The following MYO15A variants were observed in gnomAD, a reference collection of about 807,000 sequenced individuals.
MYO15A encodes the protein unconventional myosin-XV.
A neutral mutation model predicts 394.6 loss-of-function variants in MYO15A; 308 were observed. That is an observed-to-expected ratio of 0.78 (90% CI 0.71 to 0.86). The LOEUF is 0.86. MYO15A is among the 40% of genes least tolerant of loss of function. The pLI, the probability that MYO15A is intolerant of heterozygous loss-of-function variation, is 0.00. For missense variants in MYO15A, 4,606 were observed against 4,799.1 expected (o/e 0.96, Z 1.19); for synonymous variants, 1,957 against 2,003.8 (o/e 0.98, Z 0.62).
Position 18,144,544 on chromosome 17 carries a change from G to A in MYO15A, c.6225G>A (p.Thr2075=), listed in dbSNP as rs779305629. ...MLTVPLRTPL[T]QLPAEHHAEA... is the part of the protein sequence containing the mutation. ...CAGTGCCCCTGAGGACACCCCTCAC[G>A]CAGCTGCCAGCCGAGCACCATGCAG... The change falls in exon 29 of 66, where the codon ACG becomes ACA. Residue 2075 remains threonine (T), a synonymous_variant. Coordinates refer to ENST00000647165, the MANE Select transcript of MYO15A (RefSeq NM_016239.4). 16 of 1,613,044 alleles carry A rather than the reference G, an allele frequency of 9.9e-6. No individual in the cohort carries two copies. Among genetic ancestry groups the A allele is most frequent in the South Asian group, 7.7e-5 (7 of 91,082 alleles).
Position 18,166,488 on chromosome 17 carries a change from G to A in MYO15A, c.9915G>A (p.Glu3305=). The change falls in exon 61 of 66, where the codon GAG becomes GAA. Residue 3305 remains glutamate (E), a synonymous_variant. Transcript: ENST00000647165. ...RVLWDQPLKF[E]NELYVTMHYN... Reference sequence around the variant, plus strand: ...TCTGGGATCAGCCACTCAAGTTCGAGAATGAGCTATATGTGACCATGCACT... The same window carrying A: ...TCTGGGATCAGCCACTCAAGTTCGAAAATGAGCTATATGTGACCATGCACT... 6.2e-7 allele frequency: 1 copy of A among 1,613,902 alleles called. No homozygotes were observed. Among genetic ancestry groups the A allele is most frequent in the African/African-American group, 1.3e-5 (1 of 75,066 alleles).
intron 52 of MYO15A, 127 bp downstream of exon 52, chr17:18,158,765 G>A (rs1013092088): frequency 1.0e-4 from 141 of 1,394,814 alleles, no homozygotes; most frequent in Middle Eastern, 1.8e-4. Context: ...CCACCCAGGT[G>A]TGAGGCTCAT....
chr17:18,171,977 C>T (rs1324258586), intron 63 of MYO15A, among the ~76,000 whole-genome samples, 180 bp from the exon 64 acceptor site: 13 of 152,190 alleles, frequency 8.5e-5, no homozygotes, highest in Admixed American at 8.5e-4. Flanking sequence ...GGAAGAAGAG[C>T]TGCAAGCAGG....
chr17:18,163,397 G>GCTTACTCCACCCCCA, intron 59 of MYO15A, 76 bp downstream of exon 59: 3 of 1,455,570 alleles, frequency 2.1e-6, no homozygotes, highest in Non-Finnish European at 2.9e-6. Context: ...CAGGATGGGG[G>GCTTACTCCACCCCCA]TGGAGTAAGC....
At chr17:18,149,706 T>G in intron 35 of MYO15A, 126 bp downstream of exon 35, 1 of 960,978 alleles carries the variant, frequency 1.0e-6, no homozygotes, top group South Asian at 1.4e-5. Context: ...GTGTCCCATC[T>G]GGATGTCTGC....
At chr17:18,167,493 G>A in intron 61 of MYO15A, 97 bp from the exon 62 acceptor site, 1 of 1,573,596 alleles carries the variant, frequency 6.4e-7, no homozygotes, top group Non-Finnish European at 8.6e-7. Flanking sequence ...AGAGGATGGG[G>A]CTGCAATCAT....
At position 18,140,878 on chromosome 17, in the gene MYO15A, A is replaced by G. The variant is rs530666908; in HGVS notation, c.5406+46A>G. The G allele has an allele frequency of 1.6e-5, 26 of 1,613,634 alleles. No homozygotes were observed. In the South Asian group the frequency reaches 2.5e-4, roughly 16 times the overall value. On this transcript the variant is annotated intron_variant, in intron 21 of 65. Transcript: ENST00000647165. Reference sequence around the variant, plus strand: ...CTGAGAGAGCCAAATCCTCCTGCCCATGCTGTGTGACCTTGGGCAAGTGGC... The same window carrying G: ...CTGAGAGAGCCAAATCCTCCTGCCCGTGCTGTGTGACCTTGGGCAAGTGGC...
chr17:18,158,751 G>C, intron 52 of MYO15A, 113 bp downstream of exon 52: 1 of 1,426,162 alleles, frequency 7.0e-7, no homozygotes, highest in Non-Finnish European at 9.9e-7. Flanking sequence ...GGAGAGATGA[G>C]AGACCACCCA....
chr17:18,130,676 A>C, intron 7 of MYO15A, 129 bp from the exon 8 acceptor site: 1 of 1,520,588 alleles, frequency 6.6e-7, no homozygotes, highest in South Asian at 1.2e-5. Flanking sequence ...TCTGAGCCTC[A>C]CAGGTTTTTA....
intron 60 of MYO15A, 149 bp downstream of exon 60, chr17:18,163,987 T>C (rs1416811675): frequency 1.3e-6 from 1 of 778,008 alleles, no homozygotes; most frequent in Non-Finnish European, 2.2e-6. Context: ...GATCTCTGTG[T>C]GTACCAAGCA....
At position 18,157,084 on chromosome 17, in the gene MYO15A, G is replaced by C; in HGVS notation, c.8713+19G>C. 2 of 1,613,650 alleles carry C rather than the reference G, an allele frequency of 1.2e-6. No individual in the cohort carries two copies. The highest frequency in any genetic ancestry group is 1.7e-6 in the Non-Finnish European group (2 of 1,179,874). On this transcript the variant is annotated intron_variant, in intron 49 of 65. Coordinates refer to ENST00000647165, the MANE Select transcript of MYO15A (RefSeq NM_016239.4). ...CGAGTGGGTCAGTGCCACTGGGGTGGGCTGGGGGCAGGAGGGGGAGGCTGG... is the reference window on the plus strand; with the variant it reads ...CGAGTGGGTCAGTGCCACTGGGGTGCGCTGGGGGCAGGAGGGGGAGGCTGG...
chr17:18,174,135 C>T (rs1158496666), intron 65 of MYO15A, among the ~76,000 whole-genome samples: 2 of 152,150 alleles, frequency 1.3e-5, no homozygotes, highest in Non-Finnish European at 2.9e-5. Context: ...CAGTACGGAG[C>T]CATAGAAGGT....
At chr17:18,157,569 C>T in intron 50 of MYO15A, 153 bp from the exon 51 acceptor site, 1 of 1,411,774 alleles carries the variant, frequency 7.1e-7, no homozygotes, top group Non-Finnish European at 9.4e-7. Context: ...TTCCCTGAGC[C>T]TGTTTCCTCA....
intron 7 of MYO15A, among the ~76,000 whole-genome samples, chr17:18,127,834 G>GATATATATATATATAT (rs55650584): frequency 1.5e-4 from 20 of 131,092 alleles, no homozygotes; most frequent in African/African-American, 4.0e-4. Context: ...GAAAAAAAAA[G>GATATATATATATATAT]ATATATATAT....
At chr17:18,178,650 C>T in intron 65 of MYO15A, 119 bp from the exon 66 acceptor site, 1 of 969,244 alleles carries the variant, frequency 1.0e-6, no homozygotes, top group Non-Finnish European at 1.6e-6. Flanking sequence ...GGACAAGGGT[C>T]CCTGCATGAA....
intron 65 of MYO15A, among the ~76,000 whole-genome samples, chr17:18,175,147 G>A (rs970144070): frequency 6.1e-5 from 9 of 148,586 alleles, no homozygotes; most frequent in Non-Finnish European, 1.2e-4. Context: ...TTAAACTCCT[G>A]GCCTCAAATG....
intron 56 of MYO15A, chr17:18,160,900 C>G (rs2046764342): frequency 2.8e-6 from 1 of 363,188 alleles, no homozygotes; most frequent in African/African-American, 2.1e-5. Context: ...CTCACTTGCT[C>G]TCCATCTCCT....
intron 22 of MYO15A, 144 bp downstream of exon 22, chr17:18,141,287 T>G: frequency 8.1e-7 from 1 of 1,236,210 alleles, no homozygotes; most frequent in Non-Finnish European, 1.1e-6. Context: ...ACATGCTAAC[T>G]GTTAATGTGG....
At chr17:18,137,792 G>A (rs1037209767) in intron 16 of MYO15A, 113 bp downstream of exon 16, 18 of 1,234,114 alleles carry the variant, frequency 1.5e-5, no homozygotes, top group Admixed American at 2.0e-5. Flanking sequence ...TCAGTAGACA[G>A]TAGAGGGAAA....
Sources: gnomAD v4.1 joint callset for allele counts (sites outside exome capture counted in the v4.1 genomes callset) on GRCh38, gnomAD v4.1.1 for gene constraint, MANE v1.5 for transcripts, NCBI Gene and HGNC (gene_info 2026-07-23, HGNC 2026-07-21) for gene names.